The following DLC1 variants were observed in gnomAD, a reference collection of about 807,000 sequenced individuals.
DLC1 encodes the protein DLC1 Rho GTPase activating protein.
A neutral mutation model predicts 140.3 loss-of-function variants in DLC1; 54 were observed. That is an observed-to-expected ratio of 0.38 (90% CI 0.31 to 0.48). The LOEUF is 0.48. DLC1 is among the 20% of genes least tolerant of loss of function. DLC1 has a pLI of 0.96. For missense variants in DLC1, 2,536 were observed against 1,907.0 expected, an observed-to-expected ratio of 1.33 and a Z score of -6.14; for synonymous variants, 986 against 728.1, an observed-to-expected ratio of 1.35 and a Z score of -5.70.
intron 5 of DLC1, among the ~76,000 whole-genome samples, chr8:13,223,910 A>G (rs1282822413): frequency 6.6e-6 from 1 of 152,216 alleles, no homozygotes; most frequent in Admixed American, 6.5e-5. Context: ...AAATCAAAAG[A>G]TTTCCTAAAA....
At chr8:13,198,835 G>T (rs1489179016) in intron 5 of DLC1, among the ~76,000 whole-genome samples, 3 of 151,620 alleles carry the variant, frequency 2.0e-5, no homozygotes, top group Non-Finnish European at 4.4e-5. Context: ...TCCTGCCTCA[G>T]CCTCCCAAGT....
intron 2 of DLC1, among the ~76,000 whole-genome samples, chr8:13,449,994 C>T (rs948501313): frequency 1.3e-5 from 2 of 151,760 alleles, no homozygotes; most frequent in Non-Finnish European, 2.9e-5. Flanking sequence ...TTCCCCAACT[C>T]TGTATTATTG....
intron 6 of DLC1, among the ~76,000 whole-genome samples, 180 bp downstream of exon 6, chr8:13,115,406 G>A (rs896704781): frequency 2.6e-5 from 4 of 152,132 alleles, no homozygotes; most frequent in African/African-American, 7.2e-5. Context: ...TGGCATGGGC[G>A]TGTTACCAAG....
intron 5 of DLC1, among the ~76,000 whole-genome samples, chr8:13,220,912 C>G (rs1042236163): frequency 1.3e-5 from 2 of 152,170 alleles, no homozygotes; most frequent in African/African-American, 4.8e-5. Flanking sequence ...GACAGCCTCA[C>G]AGCCAGTCAA....
intron 4 of DLC1, among the ~76,000 whole-genome samples, chr8:13,370,997 C>G (rs1457502718): frequency 6.6e-6 from 1 of 152,080 alleles, no homozygotes; most frequent in Non-Finnish European, 1.5e-5. Context: ...TGAGGGTAGC[C>G]CTGCCACACC....
At chr8:13,100,917 T>TC (rs1202706435) in intron 8 of DLC1, 147 bp from the exon 9 acceptor site, 1 of 831,106 alleles carries the variant, frequency 1.2e-6, no homozygotes, top group African/African-American at 1.8e-5. Flanking sequence ...TTTTTTTTTT[T>TC]TTTTTTAAAA....
rs535881680 is a variant in DLC1 at position 13,412,864 on chromosome 8, G to A, written c.1024-11245C>T. 4.6e-3 allele frequency among the ~76,000 whole-genome samples: 686 copies of A among 150,592 alleles called. 3 individuals carry two copies. Among genetic ancestry groups the A allele is most frequent in the African/African-American group, 0.016 (654 of 40,972 alleles). ...GGAGAATGGCGTGAACCCAGGAGGC[G>A]GAGCTTGCAGTAAGCTGAGATCGTG... On this transcript the variant is annotated intron_variant, in intron 2 of 17. Transcript: ENST00000276297.
chr8:13,403,682 C>G (rs1041974528), intron 2 of DLC1, among the ~76,000 whole-genome samples: 26 of 152,044 alleles, frequency 1.7e-4, no homozygotes, highest in African/African-American at 6.3e-4. Context: ...GTTGCCCAGG[C>G]TGTAGTGCAG....
chr8:13,248,926 C>A (rs959744431), intron 5 of DLC1, among the ~76,000 whole-genome samples: 1 of 152,126 alleles, frequency 6.6e-6, no homozygotes, highest in Admixed American at 6.6e-5. Flanking sequence ...AGATAGAAAT[C>A]ATTACCAATT....
chr8:13,129,585 A>C (rs1821908390), intron 5 of DLC1, among the ~76,000 whole-genome samples: 1 of 152,230 alleles, frequency 6.6e-6, no homozygotes, highest in South Asian at 2.1e-4. Flanking sequence ...GACACTAAAG[A>C]AATTAGTTCT....
chr8:13,445,829 C>G (rs117264601), intron 2 of DLC1, among the ~76,000 whole-genome samples: 3,930 of 152,200 alleles, frequency 0.026, 65 homozygotes, highest in Middle Eastern at 0.041. Context: ...TGAAATTTCT[C>G]CAAGGAGCCA....
Position 13,539,288 on chromosome 8 carries a change from C to G in DLC1, c.-125-39092G>C, listed in dbSNP as rs370622634. Among the ~76,000 whole-genome samples, 7 of 152,216 alleles carry G rather than the reference C, an allele frequency of 4.6e-5. No homozygotes were observed. The South Asian group carries it at 6.2e-4, about 14-fold the overall frequency. ...AATCTCAGCTCACTGCAAGCTCTGC[C>G]TCCTGAGTTCACACCATTCTCCTGC... On this transcript the variant is annotated intron_variant, in intron 1 of 1. Coordinates refer to the DLC1 transcript ENST00000631382.
chr8:13,147,161 G>GT (rs1298574829), intron 5 of DLC1, among the ~76,000 whole-genome samples: 1 of 152,176 alleles, frequency 6.6e-6, no homozygotes, highest in African/African-American at 2.4e-5. Context: ...TCTATCAGCT[G>GT]TATCATTTAG....
In DLC1 at chr8:13,231,182, C is replaced by G. The variant is rs534944005; in HGVS notation, c.1348+74087G>C. Among the ~76,000 whole-genome samples, 6 of 151,922 alleles carry G rather than the reference C, an allele frequency of 3.9e-5. No individual in the cohort carries two copies. In the East Asian group the frequency reaches 1.2e-3, roughly 29 times the overall value. ...GTTCTTTAAATTCTTAGTTTTATTT[C>G]TAGGCCTCAATGCCTTTTAAATCCT... On this transcript the variant is annotated intron_variant, in intron 5 of 17. Transcript: ENST00000276297.
intron 5 of DLC1, among the ~76,000 whole-genome samples, chr8:13,184,839 G>A (rs1475522806): frequency 6.6e-6 from 1 of 152,142 alleles, no homozygotes; most frequent in East Asian, 1.9e-4. Context: ...CTGAGTTCAA[G>A]TCCTGGATAT....
At chr8:13,136,726 G>C (rs553819002) in intron 5 of DLC1, among the ~76,000 whole-genome samples, 1 of 152,200 alleles carries the variant, frequency 6.6e-6, no homozygotes, top group Non-Finnish European at 1.5e-5. Flanking sequence ...GTAGAGACAG[G>C]GTTTTGCCAT....
chr8:13,187,930 G>C (rs62494875), intron 5 of DLC1, among the ~76,000 whole-genome samples: 1 of 152,124 alleles, frequency 6.6e-6, no homozygotes, highest in South Asian at 2.1e-4. Context: ...AGACATATAA[G>C]GTAATTTTTT....
At chr8:13,424,636 G>A (rs1330354126) in intron 2 of DLC1, among the ~76,000 whole-genome samples, 1 of 151,820 alleles carries the variant, frequency 6.6e-6, no homozygotes, top group African/African-American at 2.4e-5. Context: ...GCAGTGCTGC[G>A]ATCTTGGCTC....
chr8:13,380,659 T>C (rs923504621), intron 4 of DLC1, among the ~76,000 whole-genome samples: 4 of 152,202 alleles, frequency 2.6e-5, no homozygotes, highest in South Asian at 4.1e-4. Context: ...GCAGCAGAGA[T>C]GAAATGTGCT....
Sources: allele counts gnomAD v4.1 joint callset (sites outside exome capture counted in the v4.1 genomes callset), GRCh38; gene constraint gnomAD v4.1.1; transcripts MANE v1.5; gene names NCBI Gene and HGNC (gene_info 2026-07-23, HGNC 2026-07-21).